Variants in CAMK2D observed in about 807,000 individuals in gnomAD.
The protein encoded by CAMK2D is calcium/calmodulin-dependent protein kinase type II subunit delta.
CAMK2D carries 37 observed loss-of-function variants against 84.0 expected under a neutral mutation model. The observed-to-expected ratio is 0.44, with a 90% CI of 0.34 to 0.58. The LOEUF is 0.58. CAMK2D is among the 20% of genes least tolerant of loss of function. The pLI is 0.02. For missense variants in CAMK2D, 448 were observed against 652.5 expected, an observed-to-expected ratio of 0.69 and a Z score of 3.41; for synonymous variants, 202 against 212.5, an observed-to-expected ratio of 0.95 and a Z score of 0.43.
intron 5 of CAMK2D, among the ~76,000 whole-genome samples, chr4:113,550,515 T>C (rs996285084): frequency 6.6e-6 from 1 of 152,212 alleles, no homozygotes; most frequent in African/African-American, 2.4e-5. Context: ...ATGTTCCTTC[T>C]CTTTGATTTT....
At chr4:113,510,847 T>G (rs1260486864) in intron 12 of CAMK2D, among the ~76,000 whole-genome samples, 1 of 143,034 alleles carries the variant, frequency 7.0e-6, no homozygotes, top group African/African-American at 2.6e-5. Flanking sequence ...AAATGTTAAC[T>G]TCATTAATCT....
intron 4 of CAMK2D, among the ~76,000 whole-genome samples, chr4:113,597,666 C>A (rs373793142): frequency 6.6e-6 from 1 of 152,190 alleles, no homozygotes; most frequent in Non-Finnish European, 1.5e-5. Flanking sequence ...ATAGCACTTG[C>A]AATTTCCTTC....
chr4:113,601,243 T>G (rs966486741), intron 4 of CAMK2D, among the ~76,000 whole-genome samples: 4 of 151,996 alleles, frequency 2.6e-5, no homozygotes, highest in African/African-American at 9.7e-5. Flanking sequence ...TAGAGAGAAG[T>G]TAATCGTGTA....
At chr4:113,638,166 A>T (rs1291337257) in intron 3 of CAMK2D, among the ~76,000 whole-genome samples, 1 of 152,210 alleles carries the variant, frequency 6.6e-6, no homozygotes, top group Non-Finnish European at 1.5e-5. Context: ...GCATAATATG[A>T]AGAAGCTAAT....
At chr4:113,566,625 C>A (rs1372384169) in intron 4 of CAMK2D, among the ~76,000 whole-genome samples, 1 of 152,196 alleles carries the variant, frequency 6.6e-6, no homozygotes, top group African/African-American at 2.4e-5. Flanking sequence ...TGTATTATTT[C>A]ATATCCTTGC....
At chr4:113,586,011 T>A (rs1270505122) in intron 4 of CAMK2D, among the ~76,000 whole-genome samples, 1 of 152,194 alleles carries the variant, frequency 6.6e-6, no homozygotes, top group Non-Finnish European at 1.5e-5. Flanking sequence ...CTTCTTTCTG[T>A]CTGACTGTAG....
chr4:113,465,710 G>C, intron 16 of CAMK2D, 106 bp from the exon 17 acceptor site: 4 of 711,722 alleles, frequency 5.6e-6, no homozygotes, highest in Non-Finnish European at 9.9e-6. Flanking sequence ...TGTCACCCAT[G>C]CTGGAGTACA....
intron 4 of CAMK2D, among the ~76,000 whole-genome samples, chr4:113,589,665 A>G (rs543941054): frequency 3.9e-5 from 6 of 152,316 alleles, no homozygotes; most frequent in African/African-American, 1.2e-4. Context: ...ACTGTTTTAG[A>G]TATCTTAAAT....
chr4:113,560,811 C>A (rs1309312392), intron 4 of CAMK2D, among the ~76,000 whole-genome samples: 1 of 152,160 alleles, frequency 6.6e-6, no homozygotes, highest in Non-Finnish European at 1.5e-5. Flanking sequence ...ATTTCCTATG[C>A]TTCCTAGAGG....
chr4:113,571,088 C>T (rs10013616), intron 4 of CAMK2D, among the ~76,000 whole-genome samples: 14,308 of 152,100 alleles, frequency 0.094, 972 homozygotes, highest in African/African-American at 0.19. Context: ...ATTAAGGCTA[C>T]AATAAAATAT....
chr4:113,602,095 T>A (rs894619346), intron 4 of CAMK2D, among the ~76,000 whole-genome samples: 5 of 152,184 alleles, frequency 3.3e-5, no homozygotes, highest in African/African-American at 1.2e-4. Context: ...TTAGTTCTTT[T>A]TTTTTTTATT....
At chr4:113,652,105 G>A (rs2099175495) in intron 3 of CAMK2D, among the ~76,000 whole-genome samples, 2 of 152,112 alleles carry the variant, frequency 1.3e-5, no homozygotes, top group African/African-American at 2.4e-5. Context: ...ATACAGCAGC[G>A]ATACAGTGCA....
intron 3 of CAMK2D, among the ~76,000 whole-genome samples, chr4:113,651,727 C>T (rs75936244): frequency 0.063 from 9,587 of 152,072 alleles, 549 homozygotes; most frequent in East Asian, 0.22. Flanking sequence ...TTTCCTTAGC[C>T]TTCATTGTTT....
At chr4:113,632,171 G>T (rs10022752) in intron 3 of CAMK2D, among the ~76,000 whole-genome samples, 3 of 152,166 alleles carry the variant, frequency 2.0e-5, no homozygotes, top group African/African-American at 7.2e-5. Context: ...CCAAAACAAT[G>T]AAATATCAAA....
intron 16 of CAMK2D, among the ~76,000 whole-genome samples, chr4:113,484,583 A>G (rs1016397904): frequency 3.3e-5 from 5 of 152,188 alleles, no homozygotes; most frequent in East Asian, 1.9e-4. Context: ...TACAAATACA[A>G]TGGTACAGCA....
intron 2 of CAMK2D, chr4:113,677,454 A>G (rs2099323082): frequency 4.1e-6 from 1 of 246,396 alleles, no homozygotes; most frequent in Non-Finnish European, 6.5e-6. Flanking sequence ...AGGGGTATCA[A>G]CAGGAAAGTG....
chr4:113,529,339 A>G (rs559443947), intron 8 of CAMK2D, among the ~76,000 whole-genome samples: 6 of 152,226 alleles, frequency 3.9e-5, no homozygotes, highest in Non-Finnish European at 7.3e-5. Context: ...ACTATAAAGT[A>G]GTGATGATGA....
intron 4 of CAMK2D, among the ~76,000 whole-genome samples, chr4:113,553,762 C>T (rs527441512): frequency 6.6e-6 from 1 of 152,248 alleles, no homozygotes; most frequent in South Asian, 2.1e-4. Flanking sequence ...GTACGTAATT[C>T]CATTTAATAG....
intron 2 of CAMK2D, among the ~76,000 whole-genome samples, chr4:113,751,531 G>A (rs765626392): frequency 3.3e-5 from 5 of 152,166 alleles, no homozygotes; most frequent in Admixed American, 1.3e-4. Flanking sequence ...CAGCACTTTG[G>A]AAGGCCTAAG....
Sources: allele counts gnomAD v4.1 joint callset (sites outside exome capture counted in the v4.1 genomes callset), GRCh38; gene constraint gnomAD v4.1.1; transcripts MANE v1.5; gene names NCBI Gene and HGNC (gene_info 2026-07-23, HGNC 2026-07-21).